Variants in DDX10 observed in about 807,000 individuals in gnomAD.
DDX10 encodes DEAD-box helicase 10.
A neutral mutation model predicts 104.3 loss-of-function variants in DDX10; 74 were observed. The observed-to-expected ratio is 0.71, with a 90% CI of 0.59 to 0.86. The LOEUF (loss-of-function observed/expected upper bound fraction) is 0.86, where lower values mean the gene tolerates loss of function less well. Ranked by LOEUF, DDX10 falls within the 40% of genes least tolerant of loss-of-function variation. The probability of loss-of-function intolerance (pLI) is 0.00; values close to 1 mark genes in which losing one functional copy is unlikely to be tolerated. For synonymous variants in DDX10, 351 were observed against 353.4 expected (o/e 0.99, Z 0.08); for missense variants, 952 against 1,040.0 (o/e 0.92, Z 1.16).
chr11:108,759,024 T>G (rs1044900797), intron 13 of DDX10, among the ~76,000 whole-genome samples: 5 of 152,030 alleles, frequency 3.3e-5, no homozygotes, highest in Middle Eastern at 3.2e-3. Flanking sequence ...CTTGTTAGCT[T>G]TTGTATCTAT....
intron 13 of DDX10, among the ~76,000 whole-genome samples, chr11:108,777,086 A>C (rs2134533933): frequency 6.6e-6 from 1 of 152,348 alleles, no homozygotes; most frequent in African/African-American, 2.4e-5. Flanking sequence ...GCAGCAACAG[A>C]AAACTAACAC....
chr11:108,860,102 A>C (rs887787336), intron 16 of DDX10, among the ~76,000 whole-genome samples: 1 of 152,196 alleles, frequency 6.6e-6, no homozygotes, highest in Non-Finnish European at 1.5e-5. Flanking sequence ...GAGAACTATT[A>C]TAAGACTTGA....
intron 16 of DDX10, among the ~76,000 whole-genome samples, chr11:108,889,928 T>TA (rs1371573075): frequency 1.3e-5 from 2 of 152,214 alleles, no homozygotes; most frequent in Non-Finnish European, 2.9e-5. Flanking sequence ...TTTCAATACT[T>TA]AAACAGGTTA....
At chr11:108,807,554 TGATA>T (rs1862117721) in intron 13 of DDX10, among the ~76,000 whole-genome samples, 2 of 152,294 alleles carry the variant, frequency 1.3e-5, no homozygotes, top group African/African-American at 2.4e-5. Context: ...GCCTCACGTG[TGATA>T]GATGTCTAAT....
At chr11:108,844,077 G>A (rs537487254) in intron 15 of DDX10, among the ~76,000 whole-genome samples, 2 of 152,298 alleles carry the variant, frequency 1.3e-5, no homozygotes, top group East Asian at 1.9e-4. Flanking sequence ...GTTTTGGGCT[G>A]ACGAAGTTGT....
chr11:108,675,992 A>G (rs537667761), intron 3 of DDX10, among the ~76,000 whole-genome samples: 1 of 152,322 alleles, frequency 6.6e-6, no homozygotes, highest in African/African-American at 2.4e-5. Flanking sequence ...TACATTCTTG[A>G]TGGAAGTGGA....
chr11:108,904,333 A>C (rs951513968), intron 16 of DDX10, among the ~76,000 whole-genome samples: 2 of 152,144 alleles, frequency 1.3e-5, no homozygotes, highest in African/African-American at 4.8e-5. Context: ...TTTTTTGGCA[A>C]GATACTCTGT....
intron 15 of DDX10, among the ~76,000 whole-genome samples, chr11:108,847,629 C>A (rs960833141): frequency 7.9e-5 from 12 of 152,132 alleles, no homozygotes; most frequent in Non-Finnish European, 1.8e-4. Context: ...GTTGTTGACA[C>A]ATAATTAAGT....
intron 13 of DDX10, among the ~76,000 whole-genome samples, chr11:108,809,125 A>G (rs1407007732): frequency 6.6e-6 from 1 of 152,168 alleles, no homozygotes; most frequent in Non-Finnish European, 1.5e-5. Context: ...AACAATGGAG[A>G]ATACAAACTC....
At chr11:108,718,107 G>A (rs2094293803) in intron 11 of DDX10, among the ~76,000 whole-genome samples, 1 of 152,048 alleles carries the variant, frequency 6.6e-6, no homozygotes, top group Non-Finnish European at 1.5e-5. Flanking sequence ...AGAGGTTATA[G>A]TGAGCCAAGA....
At chr11:108,701,830 G>T (rs114080504) in intron 9 of DDX10, among the ~76,000 whole-genome samples, 1,775 of 151,786 alleles carry the variant, frequency 0.012, 37 homozygotes, top group African/African-American at 0.041. Flanking sequence ...GGAACTACAG[G>T]GTGCGCCACC....
chr11:108,857,077 C>G (rs943282588), intron 16 of DDX10, among the ~76,000 whole-genome samples: 6 of 152,186 alleles, frequency 3.9e-5, no homozygotes, highest in Non-Finnish European at 8.8e-5. Context: ...GAATGACTTG[C>G]CTAATGTCAT....
chr11:108,931,837 T>G (rs1863979385), intron 17 of DDX10, among the ~76,000 whole-genome samples: 1 of 152,132 alleles, frequency 6.6e-6, no homozygotes, highest in African/African-American at 2.4e-5. Flanking sequence ...TCCACAAGGT[T>G]ATTGTGTGTT....
chr11:108,920,276 G>C (rs1408091501), intron 17 of DDX10: 1 of 152,194 alleles, frequency 6.6e-6, no homozygotes, highest in Non-Finnish European at 1.5e-5. Flanking sequence ...CAAGGGTTCA[G>C]ATGGAAAGTA....
In DDX10 at chr11:108,706,078, TCTC is replaced by T. The variant is rs1479240204; in HGVS notation, c.1224-658_1224-656del. Among the ~76,000 whole-genome samples the T allele has an allele frequency of 2.0e-5, 3 of 152,046 alleles. No homozygotes were observed. In the East Asian group the frequency reaches 5.8e-4, roughly 29 times the overall value. ...CCTCCATCTCCTGGGTTGAAGCAAT[TCTC>T]CTACCTCAGCCTCCCTAGTAGCTGA... is the stretch of plus-strand genomic sequence containing the variant. On this transcript the variant is annotated intron_variant, in intron 9 of 17. Transcript: ENST00000322536.
At chr11:108,863,448 T>C (rs962761638) in intron 16 of DDX10, among the ~76,000 whole-genome samples, 2 of 152,232 alleles carry the variant, frequency 1.3e-5, no homozygotes, top group Admixed American at 1.3e-4. Context: ...TTTTCAGCTA[T>C]GTACATTAGT....
intron 16 of DDX10, among the ~76,000 whole-genome samples, chr11:108,887,596 C>A (rs1449976032): frequency 4.6e-4 from 67 of 145,102 alleles, no homozygotes; most frequent in Non-Finnish European, 7.2e-4. Flanking sequence ...AAAAAAAAAA[C>A]AAACCAGAAA....
rs572182109 is a variant in DDX10 at position 108,710,502 on chromosome 11, A to G, written c.1322+3665A>G. 1.4e-4 allele frequency among the ~76,000 whole-genome samples: 22 copies of G among 151,976 alleles called. No individual in the cohort carries two copies. In the South Asian group the frequency reaches 4.4e-3, roughly 30 times the overall value. ...CCTACACAGGGTCAGGATCATTAAT[A>G]TCACTGTCTTTCATTTTCACATCGT... On this transcript the variant is annotated intron_variant, in intron 10 of 17. Transcript: ENST00000322536.
chr11:108,757,094 A>G (rs1327796766), intron 13 of DDX10, among the ~76,000 whole-genome samples: 2 of 142,066 alleles, frequency 1.4e-5, no homozygotes, highest in Non-Finnish European at 3.0e-5. Flanking sequence ...GGACAGGGGA[A>G]GGCGCTGCTG....
Sources: allele counts gnomAD v4.1 joint callset (sites outside exome capture counted in the v4.1 genomes callset), GRCh38; gene constraint gnomAD v4.1.1; transcripts MANE v1.5; gene names NCBI Gene and HGNC (gene_info 2026-07-23, HGNC 2026-07-21).